Variants in SLC44A2 observed in about 807,000 individuals in gnomAD.
SLC44A2 encodes the protein choline transporter-like protein 2.
Under a neutral mutation model 90.8 loss-of-function variants are expected in SLC44A2, and 57 were observed. The ratio of observed to expected loss-of-function variants is 0.63; its 90% CI spans 0.51 to 0.78. The LOEUF (loss-of-function observed/expected upper bound fraction) is 0.78. SLC44A2 is among the 30% of genes least tolerant of loss of function. The probability of loss-of-function intolerance (pLI) is 0.00; values close to 1 mark genes in which losing one functional copy is unlikely to be tolerated. For synonymous variants in SLC44A2, 355 were observed against 360.7 expected (o/e 0.98, Z 0.18); for missense variants, 794 against 919.7 (o/e 0.86, Z 1.77).
At chr19:10,636,282 G>C (rs1338769009) in intron 14 of SLC44A2, 41 bp from the exon 15 acceptor site, 1 of 1,581,080 alleles carries the variant, frequency 6.3e-7, no homozygotes. Flanking sequence ...GTGAACCCCT[G>C]GTGCCTCTTT....
intron 2 of SLC44A2, among the ~76,000 whole-genome samples, chr19:10,627,143 A>C (rs1422001497): frequency 6.6e-6 from 1 of 152,078 alleles, no homozygotes; most frequent in Non-Finnish European, 1.5e-5. Context: ...TAACATGGTG[A>C]AACCCTGTCT....
At position 10,610,070 on chromosome 19, in the gene SLC44A2, T is replaced by G. The variant is rs567195413; in HGVS notation, c.31+7509T>G. Among the ~76,000 whole-genome samples the G allele has an allele frequency of 3.3e-4, 50 of 152,182 alleles. 1 individual carries two copies. In the South Asian group the frequency reaches 8.7e-3, roughly 27 times the overall value. On this transcript the variant is annotated intron_variant, in intron 1 of 21. Transcript: ENST00000407327. ...ATTCTCCCACTTTGGCCTCCCAAAG[T>G]GCTGGGATTACAGGCGTGAGCCACC...
At position 10,636,557 on chromosome 19, in the gene SLC44A2, C is replaced by A; in HGVS notation, c.1468C>A (p.Leu490Ile). Residue 490 changes from leucine (L) to isoleucine (I), a missense_variant, in exon 15 of 22, where the codon CTC becomes ATC. By Grantham distance (5) the Leu-to-Ile change is conservative (BLOSUM62 2). Around this residue, in one of 3 missense-constraint regions of SLC44A2, gnomAD observed 738 missense variants for 841.1 expected, o/e 0.88. Coordinates refer to ENST00000335757, the MANE Select transcript of SLC44A2 (RefSeq NM_020428.4). ...GCCGGACGACCTGCCGGCCTTCCCGCTCTTCTCTGCCTTTGGCCGGGCGCT... is the reference window on the plus strand; with the variant it reads ...GCCGGACGACCTGCCGGCCTTCCCGATCTTCTCTGCCTTTGGCCGGGCGCT... ...RKPDDLPAFPLFSAFGRALRY... is the reference protein window; with the variant it reads ...RKPDDLPAFPIFSAFGRALRY... The A allele has an allele frequency of 2.5e-6, 4 of 1,607,308 alleles. No homozygotes were observed. Among genetic ancestry groups the A allele is most frequent in the Non-Finnish European group, 3.4e-6 (4 of 1,178,504 alleles).
chr19:10,626,012 C>G (rs560876850), intron 1 of SLC44A2, among the ~76,000 whole-genome samples: 1 of 152,272 alleles, frequency 6.6e-6, no homozygotes, highest in African/African-American at 2.4e-5. Context: ...AGTGGGTGGC[C>G]GCCAGTTAAT....
upstream of SLC44A2, among the ~76,000 whole-genome samples, chr19:10,624,107 C>G (rs965366554): frequency 6.6e-6 from 1 of 152,102 alleles, no homozygotes; most frequent in African/African-American, 2.4e-5. Flanking sequence ...AAGTGATTCT[C>G]CTGCCTCAGC....
chr19:10,608,499 A>C (rs769171615), intron 1 of SLC44A2, among the ~76,000 whole-genome samples: 40 of 152,084 alleles, frequency 2.6e-4, no homozygotes, highest in Non-Finnish European at 4.7e-4. Context: ...ATAGATCCTA[A>C]ATATATGAGG....
At chr19:10,612,139 G>A (rs531800072) in intron 1 of SLC44A2, among the ~76,000 whole-genome samples, 27 of 152,212 alleles carry the variant, frequency 1.8e-4, no homozygotes, top group African/African-American at 6.3e-4. Context: ...ATGCCAGGGC[G>A]GAAGGATCAC....
intron 14 of SLC44A2, 28 bp from the exon 15 acceptor site, chr19:10,636,295 G>C (rs1227977268): frequency 6.3e-7 from 1 of 1,587,844 alleles, no homozygotes; most frequent in Admixed American, 1.8e-5. Flanking sequence ...GCCTCTTTTT[G>C]GACTCGGTTC....
In SLC44A2 at chr19:10,605,072, T is replaced by C. The variant is rs145587436; in HGVS notation, c.31+2511T>C. Among the ~76,000 whole-genome samples, 826 of 152,054 alleles carry C rather than the reference T, an allele frequency of 5.4e-3. 24 individuals carry two copies. Among genetic ancestry groups the C allele is most frequent in the Admixed American group, 0.047 (724 of 15,260 alleles). ...AATAAAACTGGGGTCGGGGGGACAG[T>C]AGTGATGCTTATTTAAAAAACGGAC... On this transcript the variant is annotated intron_variant, in intron 1 of 21. Transcript: ENST00000407327.
At chr19:10,603,059 G>A (rs1354952575) in intron 1 of SLC44A2, among the ~76,000 whole-genome samples, 1 of 152,194 alleles carries the variant, frequency 6.6e-6, no homozygotes, top group Non-Finnish European at 1.5e-5. Context: ...AGTCTGGCCA[G>A]CCGCCTGGAA....
intron 1 of SLC44A2, among the ~76,000 whole-genome samples, chr19:10,607,785 G>A (rs1212266523): frequency 8.4e-5 from 12 of 143,378 alleles, no homozygotes; most frequent in African/African-American, 2.8e-4. Context: ...TCACTCTGTC[G>A]CTCAGGCTGG....
chr19:10,631,016 A>AAAAT, intron 4 of SLC44A2, 41 bp from the exon 5 acceptor site: 1 of 1,553,240 alleles, frequency 6.4e-7, no homozygotes, highest in South Asian at 1.1e-5. Flanking sequence ...AAAAAAAAAA[A>AAAAT]AAAATCTTAA....
chr19:10,632,198 C>T, intron 10 of SLC44A2, 42 bp downstream of exon 10: 1 of 1,533,294 alleles, frequency 6.5e-7, no homozygotes, highest in Non-Finnish European at 9.0e-7. Flanking sequence ...CCTGAATCCG[C>T]ACACTGCCCT....
rs983439002 is a variant in SLC44A2, at chr19:10,625,643, G to A, written c.10G>A (p.Glu4Lys). 1.6e-5 allele frequency: 20 copies of A among 1,248,650 alleles called. No individual in the cohort carries two copies. Among genetic ancestry groups the A allele is most frequent in the Non-Finnish European group, 1.9e-5 (19 of 991,020 alleles). 77.3% of individuals were successfully genotyped at this position (1,248,650 alleles called of 1,614,324 possible). The change falls in exon 1 of 22, where the codon GAG (glutamate) becomes AAG (lysine). Residue 4 changes from glutamate (E) to lysine (K), a missense_variant. Around this residue, in one of 3 missense-constraint regions of SLC44A2, gnomAD observed 738 missense variants for 841.1 expected, o/e 0.88. Transcript: ENST00000335757. Reference sequence around the variant, plus strand: ...CTGGTCGCCTGCAGGGATGGGGGACGAGCGGCCCCACTACTACGGGAAACA... The same window carrying A: ...CTGGTCGCCTGCAGGGATGGGGGACAAGCGGCCCCACTACTACGGGAAACA... MGD[E>K]RPHYYGKHGT... is the part of the protein sequence containing the mutation.
In SLC44A2 at chr19:10,613,134, T is replaced by C. The variant is rs375319621; in HGVS notation, c.31+10573T>C. ...GTGCAGTGGCGTGATCACAGCTCAC[T>C]GCAGCCTCTGCCTCCCGGGCTCAAG... On this transcript the variant is annotated intron_variant, in intron 1 of 21. Coordinates refer to the SLC44A2 transcript ENST00000407327. Among the ~76,000 whole-genome samples, 264 of 151,754 alleles carry C rather than the reference T, an allele frequency of 1.7e-3. 4 individuals carry two copies. The highest frequency in any genetic ancestry group is 6.1e-3 in the African/African-American group (251 of 41,442).
At chr19:10,636,990 C>A in intron 16 of SLC44A2, 2 of 535,800 alleles carry the variant, frequency 3.7e-6, no homozygotes, top group South Asian at 2.5e-5. Context: ...GCCCAAGAGG[C>A]CTGGCCCACC....
intron 4 of SLC44A2, among the ~76,000 whole-genome samples, chr19:10,629,488 G>T (rs571999302): frequency 6.6e-6 from 1 of 151,442 alleles, no homozygotes; most frequent in Non-Finnish European, 1.5e-5. Flanking sequence ...ATATTGGTCA[G>T]GCTGGTCTCG....
chr19:10,638,442 A>C, intron 20 of SLC44A2, 127 bp downstream of exon 20: 1 of 926,920 alleles, frequency 1.1e-6, no homozygotes, highest in South Asian at 1.4e-5. Flanking sequence ...TTCAGACCAC[A>C]AACTTTTTGT....
At chr19:10,637,607 G>A (rs1250511116) in intron 16 of SLC44A2, 37 bp from the exon 17 acceptor site, 1 of 1,570,892 alleles carries the variant, frequency 6.4e-7, no homozygotes, top group Non-Finnish European at 8.8e-7. Flanking sequence ...TCAGGCTGGT[G>A]TCCCCTCACT....
Sources: gnomAD v4.1 joint callset for allele counts (sites outside exome capture counted in the v4.1 genomes callset) on GRCh38, gnomAD v4.1.1 for gene constraint, gnomAD v4.1.1 regional missense constraint, MANE v1.5 for transcripts, NCBI Gene and HGNC (gene_info 2026-07-23, HGNC 2026-07-21) for gene names.